Variants in SND1 observed in about 807,000 individuals in gnomAD.
SND1 encodes the protein staphylococcal nuclease domain-containing protein 1.
SND1 carries 38 observed loss-of-function variants against 121.7 expected under a neutral mutation model. That is an observed-to-expected ratio of 0.31 (90% CI 0.24 to 0.41). SND1 has a LOEUF of 0.41. SND1 is among the 10% of genes least tolerant of loss of function. SND1 has a pLI of 1.00. For synonymous variants in SND1, 401 were observed against 447.4 expected (o/e 0.90, Z 1.31); for missense variants, 868 against 1,184.6 (o/e 0.73, Z 3.92).
intron 16 of SND1, among the ~76,000 whole-genome samples, chr7:128,009,115 G>C (rs774562386): frequency 6.6e-6 from 1 of 152,212 alleles, no homozygotes; most frequent in Non-Finnish European, 1.5e-5. Context: ...TTCTGCCTAT[G>C]AGCGGCCCCC....
At chr7:127,691,956 G>A (rs949822789) in intron 2 of SND1, among the ~76,000 whole-genome samples, 2 of 151,880 alleles carry the variant, frequency 1.3e-5, no homozygotes, top group African/African-American at 4.8e-5. Context: ...GCCATATTTT[G>A]CTATTATTTT....
chr7:127,932,849 C>G (rs1412765164), intron 15 of SND1, among the ~76,000 whole-genome samples: 2 of 152,182 alleles, frequency 1.3e-5, no homozygotes, highest in African/African-American at 4.8e-5. Context: ...AGGGTGAACA[C>G]TTTTATATGC....
rs1795816410 is a variant in SND1, at chr7:127,686,595, T to C, written c.79-18T>C. On this transcript the variant is annotated intron_variant, in intron 1 of 23. Transcript: ENST00000354725. ...CGGCCTCTGGACCATTCATTTTCTCTTTCTTCCCCCTACGTAGGTCCTCTC... is the reference window on the plus strand; with the variant it reads ...CGGCCTCTGGACCATTCATTTTCTCCTTCTTCCCCCTACGTAGGTCCTCTC... The C allele has an allele frequency of 1.2e-6, 2 of 1,610,102 alleles. No individual in the cohort carries two copies. Among genetic ancestry groups the C allele is most frequent in the East Asian group, 4.5e-5 (2 of 44,758 alleles).
intron 16 of SND1, among the ~76,000 whole-genome samples, chr7:128,040,303 T>A (rs1043098817): frequency 7.9e-5 from 12 of 151,810 alleles, no homozygotes. Flanking sequence ...GTGCAGTGCT[T>A]ATGCTTGTAA....
intron 1 of SND1, among the ~76,000 whole-genome samples, chr7:127,664,122 C>T (rs35120956): frequency 0.065 from 9,894 of 152,246 alleles, 408 homozygotes; most frequent in Middle Eastern, 0.19. Context: ...GCCTGCCAGG[C>T]TTAAGACATC....
At chr7:127,725,384 G>A (rs1288248220) in intron 10 of SND1, among the ~76,000 whole-genome samples, 1 of 152,180 alleles carries the variant, frequency 6.6e-6, no homozygotes, top group African/African-American at 2.4e-5. Flanking sequence ...GGCTTGGCAA[G>A]CAGAATGGAA....
chr7:128,044,632 C>T (rs56025008), intron 16 of SND1, among the ~76,000 whole-genome samples: 1,390 of 121,524 alleles, frequency 0.011, 20 homozygotes, highest in South Asian at 0.033. Context: ...TCTCCCCCCC[C>T]ACCCCCGCCA....
intron 15 of SND1, among the ~76,000 whole-genome samples, chr7:127,947,412 A>C (rs112570871): frequency 6.6e-6 from 1 of 152,230 alleles, no homozygotes; most frequent in Non-Finnish European, 1.5e-5. Context: ...AGTCAGAAGT[A>C]TGGCAAAATA....
At chr7:127,680,308 A>G in intron 1 of SND1, among the ~76,000 whole-genome samples, 1 of 152,186 alleles carries the variant, frequency 6.6e-6, no homozygotes, top group Non-Finnish European at 1.5e-5. Context: ...CACCATTGTC[A>G]TTGATAACAT....
chr7:127,833,917 A>G (rs1470424529), intron 11 of SND1, among the ~76,000 whole-genome samples: 2 of 150,974 alleles, frequency 1.3e-5, no homozygotes, highest in Non-Finnish European at 3.0e-5. Context: ...GAATTTGACT[A>G]CTCTAGGTAC....
At chr7:127,932,947 A>G (rs191785502) in intron 15 of SND1, among the ~76,000 whole-genome samples, 1 of 152,288 alleles carries the variant, frequency 6.6e-6, no homozygotes, top group African/African-American at 2.4e-5. Flanking sequence ...AGTATCTCTG[A>G]GGTATGCCTG....
chr7:127,707,703 A>C (rs1229092968), intron 9 of SND1, 56 bp downstream of exon 9: 6 of 1,444,172 alleles, frequency 4.2e-6, no homozygotes, highest in Non-Finnish European at 5.8e-6. Context: ...GCGAGTAATA[A>C]TACAAGAATT....
intron 14 of SND1, among the ~76,000 whole-genome samples, chr7:127,920,292 A>G (rs558254870): frequency 6.6e-6 from 1 of 152,318 alleles, no homozygotes; most frequent in East Asian, 1.9e-4. Context: ...ATGAAGGGAA[A>G]TAAACCAATA....
At chr7:127,663,820 T>C (rs1795361961) in intron 1 of SND1, among the ~76,000 whole-genome samples, 1 of 152,224 alleles carries the variant, frequency 6.6e-6, no homozygotes, top group African/African-American at 2.4e-5. Flanking sequence ...TAAGGAAATT[T>C]TTGACTTCCT....
intron 6 of SND1, 111 bp downstream of exon 6, chr7:127,702,637 T>A: frequency 1.2e-6 from 1 of 802,926 alleles, no homozygotes; most frequent in Non-Finnish European, 2.2e-6. Flanking sequence ...TGTGGGCCAT[T>A]AACATTGACT....
intron 3 of SND1, among the ~76,000 whole-genome samples, chr7:127,698,642 A>G (rs1796049319): frequency 2.6e-5 from 4 of 152,194 alleles, no homozygotes; most frequent in Admixed American, 2.6e-4. Flanking sequence ...TACACTAGAA[A>G]ATTAAAAACA....
chr7:127,718,804 A>T, intron 9 of SND1: 1 of 909,946 alleles, frequency 1.1e-6, no homozygotes, highest in Non-Finnish European at 1.3e-6. Context: ...CTCTCTAAGC[A>T]TGACTAGGGA....
At chr7:127,946,106 G>A (rs148695506) in intron 15 of SND1, among the ~76,000 whole-genome samples, 1 of 152,252 alleles carries the variant, frequency 6.6e-6, no homozygotes, top group Non-Finnish European at 1.5e-5. Flanking sequence ...CATAAGAATG[G>A]GACAGTGGCA....
At chr7:127,877,092 CT>C (rs1237330870) in intron 12 of SND1, among the ~76,000 whole-genome samples, 6 of 152,098 alleles carry the variant, frequency 3.9e-5, no homozygotes, top group Non-Finnish European at 8.8e-5. Flanking sequence ...CAGAGAGGAG[CT>C]GGCATAGTGG....
Sources: gnomAD v4.1 joint callset for allele counts (sites outside exome capture counted in the v4.1 genomes callset) on GRCh38, gnomAD v4.1.1 for gene constraint, MANE v1.5 for transcripts, NCBI Gene and HGNC (gene_info 2026-07-23, HGNC 2026-07-21) for gene names.